The following RRM1 variants were observed in gnomAD, a reference collection of about 807,000 sequenced individuals.
The protein encoded by RRM1 is ribonucleoside-diphosphate reductase large subunit.
In RRM1, 19 loss-of-function variants were observed where a neutral mutation model predicts 101.5. That is an observed-to-expected ratio of 0.19 (90% CI 0.13 to 0.27). RRM1 has a LOEUF of 0.27. Among genes scored for constraint, RRM1 ranks in the 10% least tolerant of loss-of-function variants. The pLI, the probability that RRM1 is intolerant of heterozygous loss-of-function variation, is 1.00. For missense variants in RRM1, 500 were observed against 962.9 expected (o/e 0.52, Z 6.36); for synonymous variants, 298 against 323.4 (o/e 0.92, Z 0.84).
chr11:4,122,224 TG>T lies in RRM1; in HGVS notation c.1118+7del. Reference sequence around the variant, plus strand: ...AATTTGAGAAACTATATGCAAGGTATGGGAAAAATATGAAAGAAAACAATAA... The same window carrying T: ...AATTTGAGAAACTATATGCAAGGTATGGAAAAATATGAAAGAAAACAATAA... On this transcript the variant is annotated splice_donor_5th_base_variant and intron_variant, in intron 11 of 18. Coordinates refer to ENST00000300738, the MANE Select transcript of RRM1 (RefSeq NM_001033.5). The T allele has an allele frequency of 6.3e-7, 1 of 1,586,948 alleles. No homozygotes were observed. Among genetic ancestry groups the T allele is most frequent in the Non-Finnish European group, 8.6e-7 (1 of 1,156,862 alleles).
rs2094582564 is a variant in RRM1 at position 4,121,983 on chromosome 11, G to A, written c.1039-158G>A. Reference sequence around the variant, plus strand: ...TGCTTAAAAGGTCATGTATAAACAGGCAGACCTAGATGTTTGGGCCTGAAC... The same window carrying A: ...TGCTTAAAAGGTCATGTATAAACAGACAGACCTAGATGTTTGGGCCTGAAC... On this transcript the variant is annotated intron_variant, in intron 10 of 18. Coordinates refer to ENST00000300738, the MANE Select transcript of RRM1 (RefSeq NM_001033.5). The A allele has an allele frequency of 5.9e-6, 4 of 678,762 alleles. No individual in the cohort carries two copies. In the South Asian group the frequency reaches 9.0e-5, roughly 15 times the overall value. 42.0% of individuals were successfully genotyped at this position (678,762 alleles called of 1,614,324 possible).
intron 12 of RRM1, among the ~76,000 whole-genome samples, 182 bp downstream of exon 12, chr11:4,123,566 T>A (rs923886026): frequency 6.6e-6 from 1 of 152,206 alleles, no homozygotes; most frequent in Non-Finnish European, 1.5e-5. Context: ...CCTATAAATG[T>A]TTTTTAGTCT....
rs1184759114 is a variant in RRM1 at position 4,133,646 on chromosome 11, T to C, written c.1989T>C (p.Asn663=). 1 of 1,602,722 alleles carries C rather than the reference T, an allele frequency of 6.2e-7. No homozygotes were observed. Among genetic ancestry groups the C allele is most frequent in the South Asian group, 1.1e-5 (1 of 90,626 alleles). The stretch of plus-strand genomic sequence containing the variant: ...TGAAAAACCAGATTATTGCATGCAA[T>C]GGCTCTATTCAGGTATAGAATGAAA... ...EEMKNQIIAC[N]GSIQSIPEIP... is the part of the protein sequence containing the mutation. The change falls in exon 17 of 19, where the codon AAT becomes AAC. Residue 663 remains asparagine (N), a synonymous_variant. Coordinates refer to ENST00000300738, the MANE Select transcript of RRM1 (RefSeq NM_001033.5).
intron 9 of RRM1, among the ~76,000 whole-genome samples, chr11:4,121,274 T>C (rs141279891): frequency 6.6e-6 from 1 of 152,294 alleles, no homozygotes; most frequent in East Asian, 1.9e-4. Flanking sequence ...AGCAACTTCC[T>C]TTGGGCTTTA....
intron 15 of RRM1, among the ~76,000 whole-genome samples, chr11:4,129,595 T>C (rs995800878): frequency 7.1e-6 from 1 of 141,076 alleles, no homozygotes; most frequent in African/African-American, 2.6e-5. Flanking sequence ...TGGAGGGTAA[T>C]GTGTTTAGAC....
intron 4 of RRM1, among the ~76,000 whole-genome samples, chr11:4,107,883 T>C (rs1054538472): frequency 1.3e-5 from 2 of 152,338 alleles, no homozygotes; most frequent in African/African-American, 4.8e-5. Flanking sequence ...TTATAACAGT[T>C]GTATAACGTT....
chr11:4,130,704 T>C (rs1241194713), intron 15 of RRM1, among the ~76,000 whole-genome samples: 1 of 152,124 alleles, frequency 6.6e-6, no homozygotes, highest in African/African-American at 2.4e-5. Context: ...AAAAAAGACT[T>C]GATGTATTCT....
intron 2 of RRM1, 135 bp from the exon 3 acceptor site, chr11:4,105,911 C>A (rs530955818): frequency 2.9e-6 from 2 of 682,530 alleles, no homozygotes; most frequent in Admixed American, 2.8e-5. Flanking sequence ...GTGATCTCCT[C>A]ACCTCAGCCA....
intron 1 of RRM1, among the ~76,000 whole-genome samples, chr11:4,099,706 G>T (rs892427837): frequency 6.6e-6 from 1 of 152,078 alleles, no homozygotes; most frequent in Non-Finnish European, 1.5e-5. Context: ...GGATAATGTA[G>T]GCAGTGAGAA....
intron 2 of RRM1, among the ~76,000 whole-genome samples, chr11:4,102,702 G>A (rs560928962): frequency 6.6e-6 from 1 of 151,440 alleles, no homozygotes; most frequent in Non-Finnish European, 1.5e-5. Context: ...TTGGAATTGT[G>A]GTTATTTAGG....
At chr11:4,100,454 C>A (rs906037585) in intron 1 of RRM1, among the ~76,000 whole-genome samples, 1 of 152,160 alleles carries the variant, frequency 6.6e-6, no homozygotes, top group Non-Finnish European at 1.5e-5. Context: ...ATCAGAAAAT[C>A]CAAAATCTGA....
At chr11:4,101,969 T>A (rs767049046) in intron 1 of RRM1, 24 bp from the exon 2 acceptor site, 2 of 1,267,002 alleles carry the variant, frequency 1.6e-6, no homozygotes, top group South Asian at 2.5e-5. Context: ...ATTTAATAAT[T>A]GCTAACATGA....
At chr11:4,095,373 A>T (rs2133279991) in intron 1 of RRM1, among the ~76,000 whole-genome samples, 1 of 152,332 alleles carries the variant, frequency 6.6e-6, no homozygotes, top group East Asian at 1.9e-4. Context: ...TTAGCTTATT[A>T]CAGATGAGGA....
chr11:4,102,398 C>G (rs1056282636), intron 2 of RRM1, among the ~76,000 whole-genome samples: 1 of 152,170 alleles, frequency 6.6e-6, no homozygotes, highest in East Asian at 1.9e-4. Context: ...TGGCTCACGC[C>G]TGTAATCCCA....
rs774366453 is a variant in RRM1, at chr11:4,111,666, T to A, written c.487+26T>A. 31 of 1,557,712 alleles carry A rather than the reference T, an allele frequency of 2.0e-5. 1 individual carries two copies. The South Asian group carries it at 2.5e-4, about 13-fold the overall frequency. Reference sequence around the variant, plus strand: ...GTGAGAAATGAACATGTTTGTCTGTTACATTTTCTACTCATTATATTGAAT... The same window carrying A: ...GTGAGAAATGAACATGTTTGTCTGTAACATTTTCTACTCATTATATTGAAT... On this transcript the variant is annotated intron_variant, in intron 6 of 18. Transcript: ENST00000300738.
chr11:4,133,150 T>C (rs2094603263), intron 16 of RRM1, among the ~76,000 whole-genome samples: 1 of 152,204 alleles, frequency 6.6e-6, no homozygotes, highest in Non-Finnish European at 1.5e-5. Context: ...ATATATTATA[T>C]AACGATTACC....
chr11:4,130,384 T>C (rs904500950), intron 15 of RRM1, among the ~76,000 whole-genome samples: 1 of 152,010 alleles, frequency 6.6e-6, no homozygotes, highest in African/African-American at 2.4e-5. Flanking sequence ...GGTTTTGTCA[T>C]ATAAATGTGA....
intron 16 of RRM1, among the ~76,000 whole-genome samples, chr11:4,133,031 CAT>C (rs1338568796): frequency 3.3e-5 from 5 of 152,128 alleles, no homozygotes; most frequent in African/African-American, 7.2e-5. Context: ...TTGCAAACGC[CAT>C]ATGTTTCTTT....
At chr11:4,095,283 C>T (rs919528779) in intron 1 of RRM1, among the ~76,000 whole-genome samples, 4 of 152,242 alleles carry the variant, frequency 2.6e-5, no homozygotes, top group Admixed American at 2.0e-4. Flanking sequence ...TAACACTTAC[C>T]CCGTATCGAG....
Sources: allele counts gnomAD v4.1 joint callset (sites outside exome capture counted in the v4.1 genomes callset), GRCh38; gene constraint gnomAD v4.1.1; transcripts MANE v1.5; gene names NCBI Gene and HGNC (gene_info 2026-07-23, HGNC 2026-07-21).